TMED8: variants seen among roughly 807,000 people sequenced by gnomAD.
TMED8 encodes the protein transmembrane p24 trafficking protein family member 8, also known as protein TMED8.
Under a neutral mutation model 32.7 loss-of-function variants are expected in TMED8, and 15 were observed. The ratio of observed to expected loss-of-function variants is 0.46; its 90% CI spans 0.31 to 0.71. The LOEUF (loss-of-function observed/expected upper bound fraction) is 0.71. TMED8 is among the 30% of genes least tolerant of loss of function. The probability of loss-of-function intolerance (pLI) is 0.06; values close to 1 mark genes in which losing one functional copy is unlikely to be tolerated. For missense variants in TMED8, 390 were observed against 423.9 expected (o/e 0.92, Z 0.70); for synonymous variants, 147 against 161.4 (o/e 0.91, Z 0.68).
At chr14:77,349,115 T>TTTTC (rs1893120284) in intron 2 of TMED8, among the ~76,000 whole-genome samples, 1 of 142,562 alleles carries the variant, frequency 7.0e-6, no homozygotes, top group African/African-American at 2.7e-5. Flanking sequence ...CCTTTTTTTT[T>TTTTC]TTTTTTTTTT....
At chr14:77,367,989 C>T (rs1893594967) in intron 1 of TMED8, among the ~76,000 whole-genome samples, 1 of 152,248 alleles carries the variant, frequency 6.6e-6, no homozygotes, top group Non-Finnish European at 1.5e-5. Flanking sequence ...CCACCGCACC[C>T]AGCCAGTTTG....
chr14:77,360,186 T>C (rs1594849773), intron 1 of TMED8, among the ~76,000 whole-genome samples: 2 of 152,174 alleles, frequency 1.3e-5, no homozygotes, highest in Non-Finnish European at 1.5e-5. Context: ...CTGTTGGCCA[T>C]TGTATGTGGC....
chr14:77,349,839 T>C (rs1020383099), intron 2 of TMED8, among the ~76,000 whole-genome samples: 7 of 152,344 alleles, frequency 4.6e-5, no homozygotes, highest in South Asian at 4.1e-4. Flanking sequence ...TAAAAATTGA[T>C]GATATCTTAA....
intron 1 of TMED8, among the ~76,000 whole-genome samples, chr14:77,360,636 G>A (rs1439588344): frequency 1.3e-5 from 2 of 152,020 alleles, no homozygotes; most frequent in East Asian, 3.8e-4. Flanking sequence ...TCATATCTTG[G>A]CTATTGTGAA....
intron 1 of TMED8, among the ~76,000 whole-genome samples, chr14:77,371,599 G>C (rs1893680783): frequency 6.6e-6 from 1 of 152,146 alleles, no homozygotes; most frequent in Non-Finnish European, 1.5e-5. Flanking sequence ...ATTGGATTCA[G>C]AGAGGCAGGA....
chr14:77,346,583 C>A, intron 2 of TMED8, 105 bp from the exon 3 acceptor site: 2 of 1,441,192 alleles, frequency 1.4e-6, no homozygotes, highest in Non-Finnish European at 1.9e-6. Flanking sequence ...CCCTGCCCCA[C>A]CTGCCCCTGG....
Position 77,339,265 on chromosome 14 carries a change from C to T in TMED8, c.*2506G>A, listed in dbSNP as rs1892837608. Reference sequence around the variant, plus strand: ...TGCTAATGGAACACAGAAACCCTGACAGTTGGTGAAAAACCAGTATGAATG... The same window carrying T: ...TGCTAATGGAACACAGAAACCCTGATAGTTGGTGAAAAACCAGTATGAATG... On this transcript the variant is annotated 3_prime_UTR_variant, in exon 6 of 6. Coordinates refer to ENST00000216468, the MANE Select transcript of TMED8 (RefSeq NM_213601.3). The T allele has an allele frequency of 6.6e-6, 1 of 152,174 alleles. No homozygotes were observed. The highest frequency in any genetic ancestry group is 1.5e-5 in the Non-Finnish European group (1 of 68,042). The allele number at this position is 152,174 out of a possible 1,614,324, so 9.4% of individuals were successfully genotyped here. A position where few individuals can be genotyped will look rare whatever the true frequency, so the allele number is the denominator to read the frequency against.
rs1054502327 is a variant in TMED8 at position 77,341,933 on chromosome 14, G to T, written c.816C>A (p.Arg272=). 3 of 1,614,020 alleles carry T rather than the reference G, an allele frequency of 1.9e-6. No individual in the cohort carries two copies. The highest frequency in any genetic ancestry group is 2.5e-6 in the Non-Finnish European group (3 of 1,180,028). ...GGTACACAGGCATGACCTCCCCATA[G>T]CGACCCCGCAAGGAGCTCCTGGAGC... is the stretch of plus-strand genomic sequence containing the variant. ...ERGSRSSLRG[R]YGEVMPVYRR... The change falls in exon 6 of 6, where the codon CGC becomes CGA. Residue 272 remains arginine, a synonymous_variant. Coordinates refer to ENST00000216468, the MANE Select transcript of TMED8 (RefSeq NM_213601.3).
intron 2 of TMED8, among the ~76,000 whole-genome samples, chr14:77,347,775 A>T (rs1893084205): frequency 6.6e-6 from 1 of 152,172 alleles, no homozygotes; most frequent in Admixed American, 6.5e-5. Flanking sequence ...CCTCACAAAA[A>T]CTAGAAAATT....
rs907633266 is a variant in TMED8 at position 77,341,763 on chromosome 14, G to A, written c.*8C>T. 1.2e-6 allele frequency: 2 copies of A among 1,613,958 alleles called. No individual in the cohort carries two copies. The highest frequency in any genetic ancestry group is 3.3e-5 in the Admixed American group (2 of 60,028). On this transcript the variant is annotated 3_prime_UTR_variant, in exon 6 of 6. Transcript: ENST00000216468. ...GCAAATACAGCCTGCCCCTGTCCCA[G>A]CAGTCCTTCAGCTGGTGTAGTAGAT...
rs978232025 is a variant in TMED8, at chr14:77,377,047, C to G, written c.7G>C (p.Asp3His). The change falls in exon 1 of 6, where the codon GAC becomes CAC. Residue 3 changes from aspartate to histidine, a missense_variant. By Grantham distance (81) the Asp-to-His change is moderately conservative (BLOSUM62 -1). Coordinates refer to ENST00000216468, the MANE Select transcript of TMED8 (RefSeq NM_213601.3). Reference protein sequence around the residue: MSDLQAAEGPGSW... With the variant: MSHLQAAEGPGSW... Reference sequence around the variant, plus strand: ...CCCGGCCCCTCAGCCGCCTGCAGGTCAGACATCTGCAGCCCGCGCACGGAG... The same window carrying G: ...CCCGGCCCCTCAGCCGCCTGCAGGTGAGACATCTGCAGCCCGCGCACGGAG... 18 of 1,364,750 alleles carry G rather than the reference C, an allele frequency of 1.3e-5. No individual in the cohort carries two copies. Among genetic ancestry groups the G allele is most frequent in the Non-Finnish European group, 1.6e-5 (17 of 1,065,682 alleles). The allele number at this position is 1,364,750 out of a possible 1,614,324, so 84.5% of individuals were successfully genotyped here.
At chr14:77,372,916 A>T (rs1349794057) in intron 1 of TMED8, among the ~76,000 whole-genome samples, 3,088 of 13,050 alleles carry the variant, frequency 0.24, 210 homozygotes, top group Non-Finnish European at 0.26. Context: ...TTATATATAT[A>T]TATATATATA....
intron 3 of TMED8, among the ~76,000 whole-genome samples, chr14:77,344,359 C>G (rs769330393): frequency 1.5e-4 from 23 of 152,236 alleles, no homozygotes; most frequent in African/African-American, 5.3e-4. Flanking sequence ...CTCTCATCCA[C>G]AGCCCACCTC....
chr14:77,358,986 C>A (rs1176013339), intron 1 of TMED8, among the ~76,000 whole-genome samples: 1 of 152,104 alleles, frequency 6.6e-6, no homozygotes, highest in Non-Finnish European at 1.5e-5. Flanking sequence ...CAGCTCAATG[C>A]AGTCTCAACC....
intron 3 of TMED8, among the ~76,000 whole-genome samples, chr14:77,345,726 T>C (rs898289748): frequency 1.1e-4 from 17 of 151,036 alleles, no homozygotes; most frequent in African/African-American, 4.1e-4. Flanking sequence ...TCATAGCACT[T>C]TGGGAGGTCA....
intron 1 of TMED8, among the ~76,000 whole-genome samples, chr14:77,357,100 G>T (rs1893306957): frequency 6.6e-6 from 1 of 152,138 alleles, no homozygotes. Flanking sequence ...GTTGCTAATG[G>T]CTACTGTTGC....
At chr14:77,359,832 C>G (rs771804822) in intron 1 of TMED8, 9 of 183,486 alleles carry the variant, frequency 4.9e-5, no homozygotes, top group African/African-American at 7.2e-5. Flanking sequence ...CATGGGCACT[C>G]TGACAGTGAG....
chr14:77,369,646 T>A (rs1468482883), intron 1 of TMED8, among the ~76,000 whole-genome samples: 1 of 152,316 alleles, frequency 6.6e-6, no homozygotes, highest in African/African-American at 2.4e-5. Flanking sequence ...CAAAATAGAC[T>A]CTTGTCCTTG....
At chr14:77,360,009 T>C (rs1400155562) in intron 1 of TMED8, 1 of 154,484 alleles carries the variant, frequency 6.5e-6, no homozygotes, top group Non-Finnish European at 1.4e-5. Flanking sequence ...ATTACACAGA[T>C]CTTCCTCATT....
Sources: allele counts gnomAD v4.1 joint callset (sites outside exome capture counted in the v4.1 genomes callset), GRCh38; gene constraint gnomAD v4.1.1; transcripts MANE v1.5; gene names NCBI Gene and HGNC (gene_info 2026-07-23, HGNC 2026-07-21).